Variants in ASCC3 observed in about 807,000 individuals in gnomAD.
ASCC3 encodes the protein activating signal cointegrator 1 complex subunit 3.
Under a neutral mutation model 256.3 loss-of-function variants are expected in ASCC3, and 158 were observed. The observed-to-expected ratio is 0.62, with a 90% CI of 0.54 to 0.70. ASCC3 has a LOEUF of 0.70. ASCC3 is among the 30% of genes least tolerant of loss of function. The pLI is 0.00. For synonymous variants in ASCC3, 948 were observed against 883.4 expected (o/e 1.07, Z -1.30); for missense variants, 2,259 against 2,626.0 (o/e 0.86, Z 3.05).
chr6:100,658,975 C>T (rs1776055698), intron 16 of ASCC3, among the ~76,000 whole-genome samples: 1 of 151,306 alleles, frequency 6.6e-6, no homozygotes, highest in Admixed American at 6.6e-5. Context: ...AGTTAAGTGA[C>T]TTTATATATG....
intron 10 of ASCC3, 83 bp downstream of exon 10, chr6:100,766,478 GTTAT>G: frequency 7.6e-7 from 1 of 1,313,544 alleles, no homozygotes; most frequent in Non-Finnish European, 1.1e-6. Context: ...ATGTATTCTA[GTTAT>G]TTAAGATATA....
At chr6:100,870,278 C>T (rs1330439191) in intron 1 of ASCC3, among the ~76,000 whole-genome samples, 2 of 151,226 alleles carry the variant, frequency 1.3e-5, no homozygotes, top group African/African-American at 4.9e-5. Flanking sequence ...GCATGAGAAT[C>T]GCTTGAACCT....
chr6:100,806,463 T>C (rs1015221920), intron 4 of ASCC3, among the ~76,000 whole-genome samples: 14 of 151,962 alleles, frequency 9.2e-5, no homozygotes, highest in Non-Finnish European at 2.1e-4. Flanking sequence ...AAAGATTAAG[T>C]TGATGTCAGA....
At chr6:100,757,880 A>G (rs1218457844) in intron 10 of ASCC3, among the ~76,000 whole-genome samples, 2 of 152,162 alleles carry the variant, frequency 1.3e-5, no homozygotes, top group Non-Finnish European at 2.9e-5. Flanking sequence ...AACAAACAAA[A>G]TAAGACTTCT....
chr6:100,791,536 C>T (rs577864124), intron 8 of ASCC3, among the ~76,000 whole-genome samples: 224 of 151,992 alleles, frequency 1.5e-3, no homozygotes, highest in African/African-American at 4.9e-3. Context: ...TCACTGTTTC[C>T]GATGAAGATC....
intron 19 of ASCC3, 114 bp from the exon 20 acceptor site, chr6:100,650,828 AT>A: frequency 1.2e-6 from 1 of 856,376 alleles, no homozygotes; most frequent in Non-Finnish European, 1.9e-6. Flanking sequence ...ATAATGCAGC[AT>A]TTTTCTTTCA....
chr6:100,839,448 G>T (rs538161488), intron 4 of ASCC3, among the ~76,000 whole-genome samples: 2 of 152,136 alleles, frequency 1.3e-5, no homozygotes, highest in Non-Finnish European at 2.9e-5. Context: ...GCCATAAATT[G>T]GAAACATATA....
chr6:100,530,256 G>A, intron 37 of ASCC3: 2 of 997,926 alleles, frequency 2.0e-6, no homozygotes, highest in Non-Finnish European at 3.2e-6. Flanking sequence ...GAGGAGGGGA[G>A]AGGCCTGGAG....
At chr6:100,833,664 AAAT>A (rs1463994255) in intron 4 of ASCC3, among the ~76,000 whole-genome samples, 2 of 152,222 alleles carry the variant, frequency 1.3e-5, no homozygotes, top group African/African-American at 4.8e-5. Flanking sequence ...TTCAAGAAAA[AAAT>A]AATTGTAAAG....
At chr6:100,666,668 G>GT (rs1421571984) in intron 14 of ASCC3, among the ~76,000 whole-genome samples, 2 of 152,090 alleles carry the variant, frequency 1.3e-5, no homozygotes. Flanking sequence ...TAAGGAGCGA[G>GT]TTTTTTACAG....
chr6:100,532,831 T>A (rs1267235133), intron 37 of ASCC3, among the ~76,000 whole-genome samples: 1 of 152,028 alleles, frequency 6.6e-6, no homozygotes, highest in African/African-American at 2.4e-5. Context: ...AAAAGAAAAA[T>A]CTGAAAATTT....
intron 11 of ASCC3, among the ~76,000 whole-genome samples, chr6:100,721,800 TG>T (rs200418800): frequency 0.016 from 2,433 of 151,152 alleles, 25 homozygotes; most frequent in East Asian, 0.046. Context: ...TTTTTGTTGT[TG>T]TTGTTGCAAT....
At chr6:100,712,437 C>T (rs1222527277) in intron 13 of ASCC3, among the ~76,000 whole-genome samples, 1 of 152,060 alleles carries the variant, frequency 6.6e-6, no homozygotes. Flanking sequence ...AATGAACCAC[C>T]TGGTTAAAAA....
At chr6:100,874,528 G>T (rs994420160) in intron 1 of ASCC3, among the ~76,000 whole-genome samples, 3 of 143,636 alleles carry the variant, frequency 2.1e-5, no homozygotes, top group African/African-American at 7.7e-5. Flanking sequence ...TTCCCTTTAA[G>T]TTTTATTTGA....
chr6:100,815,026 T>C (rs1337956264), intron 4 of ASCC3, among the ~76,000 whole-genome samples: 2 of 152,052 alleles, frequency 1.3e-5, no homozygotes, highest in African/African-American at 4.8e-5. Flanking sequence ...GTTGTGATGT[T>C]AGGTTGTTAA....
chr6:100,513,052 A>G, intron 39 of ASCC3, 134 bp from the exon 40 acceptor site: 1 of 800,198 alleles, frequency 1.2e-6, no homozygotes, highest in East Asian at 2.7e-5. Context: ...ATGCAGTTGC[A>G]GGAAATAATA....
intron 37 of ASCC3, among the ~76,000 whole-genome samples, chr6:100,523,326 T>C (rs1008692845): frequency 1.3e-5 from 2 of 152,128 alleles, no homozygotes; most frequent in African/African-American, 4.8e-5. Flanking sequence ...AACATACTCA[T>C]ACTATATAGC....
intron 14 of ASCC3, among the ~76,000 whole-genome samples, chr6:100,675,193 C>A (rs1776951531): frequency 6.7e-6 from 1 of 149,758 alleles, no homozygotes; most frequent in African/African-American, 2.5e-5. Flanking sequence ...CTTTTGACAT[C>A]CTATGTGGTG....
chr6:100,687,832 A>T (rs1305246935), intron 13 of ASCC3, among the ~76,000 whole-genome samples: 1 of 152,128 alleles, frequency 6.6e-6, no homozygotes, highest in Non-Finnish European at 1.5e-5. Flanking sequence ...AGTTCAAGGG[A>T]AAGTATCCAT....
Sources: allele counts gnomAD v4.1 joint callset (sites outside exome capture counted in the v4.1 genomes callset), GRCh38; gene constraint gnomAD v4.1.1; transcripts MANE v1.5; gene names NCBI Gene and HGNC (gene_info 2026-07-23, HGNC 2026-07-21).